Variants in FBXL20 observed in about 807,000 individuals in gnomAD.
FBXL20 encodes F-box/LRR-repeat protein 20.
In FBXL20, 11 loss-of-function variants were observed where a neutral mutation model predicts 64.0. The observed-to-expected ratio is 0.17, with a 90% CI of 0.11 to 0.28. The LOEUF (loss-of-function observed/expected upper bound fraction) is 0.28, where lower values mean the gene tolerates loss of function less well. Among genes scored for constraint, FBXL20 ranks in the 10% least tolerant of loss-of-function variants. FBXL20 has a pLI of 1.00. For missense variants in FBXL20, 303 were observed against 526.2 expected, an observed-to-expected ratio of 0.58 and a Z score of 4.15; for synonymous variants, 184 against 189.0, an observed-to-expected ratio of 0.97 and a Z score of 0.22.
At position 39,384,192 on chromosome 17, in the gene FBXL20, C is replaced by T. The variant is rs538962100; in HGVS notation, c.42+17169G>A. On this transcript the variant is annotated intron_variant, in intron 1 of 14. Transcript: ENST00000264658. The stretch of plus-strand genomic sequence containing the variant: ...AAGGCTGCAGTGAGCTGTGATCATA[C>T]TCTTGCACTCCAGCCTGGGTGGCAG... Among the ~76,000 whole-genome samples, 9 of 152,202 alleles carry T rather than the reference C, an allele frequency of 5.9e-5. No homozygotes were observed. The South Asian group carries it at 1.5e-3, about 25-fold the overall frequency.
At chr17:39,372,986 T>G (rs150454382) in intron 1 of FBXL20, among the ~76,000 whole-genome samples, 27 of 152,184 alleles carry the variant, frequency 1.8e-4, no homozygotes, top group South Asian at 6.2e-4. Flanking sequence ...TTGATTAAAT[T>G]AGACTACTTA....
At chr17:39,345,422 TCATACATGAAG>T (rs1346798938) in intron 1 of FBXL20, among the ~76,000 whole-genome samples, 1 of 151,886 alleles carries the variant, frequency 6.6e-6, no homozygotes, top group Non-Finnish European at 1.5e-5. Context: ...AATAATGGAG[TCATACATGAAG>T]ATCCTGGTAT....
Position 39,258,102 on chromosome 17 carries a change from CTT to C in FBXL20, c.*3356_*3357del, listed in dbSNP as rs998361825. On this transcript the variant is annotated 3_prime_UTR_variant, in exon 15 of 15. Transcript: ENST00000264658. ...TACCTTCTAACTTATCCCCAAATCT[CTT>C]CTCTCTGTTCACTGTTTTTTTCCAT... 6.6e-6 allele frequency: 1 copy of C among 152,136 alleles called. No individual in the cohort carries two copies. Among genetic ancestry groups the C allele is most frequent in the Non-Finnish European group, 1.5e-5 (1 of 68,024 alleles). The allele number at this position is 152,136 out of a possible 1,614,324, so 9.4% of individuals were successfully genotyped here.
At chr17:39,371,114 A>T (rs1362905692) in intron 1 of FBXL20, among the ~76,000 whole-genome samples, 1 of 152,098 alleles carries the variant, frequency 6.6e-6, no homozygotes, top group South Asian at 2.1e-4. Flanking sequence ...GCTACTAAGG[A>T]GGCTGAGGCA....
At chr17:39,374,254 C>T (rs908389677) in intron 1 of FBXL20, among the ~76,000 whole-genome samples, 5 of 151,236 alleles carry the variant, frequency 3.3e-5, no homozygotes, top group Non-Finnish European at 5.9e-5. Context: ...AAAGACCAGT[C>T]GGAATGGCTC....
chr17:39,309,856 A>G (rs542939879), intron 2 of FBXL20, among the ~76,000 whole-genome samples: 16 of 151,822 alleles, frequency 1.1e-4, no homozygotes, highest in Admixed American at 2.0e-4. Flanking sequence ...AGAACAAGAA[A>G]AAACAACTTA....
At chr17:39,315,393 T>TTATATATATA (rs59563317) in intron 2 of FBXL20, among the ~76,000 whole-genome samples, 19,862 of 134,082 alleles carry the variant, frequency 0.15, 1,914 homozygotes, top group African/African-American at 0.22. Context: ...TTTAAATAAT[T>TTATATATATA]TATATATATA....
At chr17:39,323,243 A>C (rs1379558067) in intron 2 of FBXL20, among the ~76,000 whole-genome samples, 6 of 152,142 alleles carry the variant, frequency 3.9e-5, no homozygotes, top group Admixed American at 3.9e-4. Flanking sequence ...TGCTGGGATT[A>C]CAGGTGTGAG....
At chr17:39,281,802 C>G (rs1178921595) in intron 8 of FBXL20, among the ~76,000 whole-genome samples, 1 of 152,138 alleles carries the variant, frequency 6.6e-6, no homozygotes, top group Non-Finnish European at 1.5e-5. Flanking sequence ...AAATAATTTT[C>G]AAACTTCTAC....
chr17:39,306,506 A>G (rs1228496864), intron 2 of FBXL20, among the ~76,000 whole-genome samples: 1 of 152,166 alleles, frequency 6.6e-6, no homozygotes, highest in Non-Finnish European at 1.5e-5. Flanking sequence ...ATTTATTGAA[A>G]AGACTGTACT....
intron 2 of FBXL20, among the ~76,000 whole-genome samples, chr17:39,314,740 T>G (rs2047268572): frequency 6.6e-6 from 1 of 151,898 alleles, no homozygotes; most frequent in Non-Finnish European, 1.5e-5. Context: ...GTGTACACTG[T>G]AGTGTACATT....
intron 1 of FBXL20, among the ~76,000 whole-genome samples, chr17:39,357,651 G>A (rs1037717190): frequency 2.6e-5 from 4 of 152,178 alleles, no homozygotes; most frequent in African/African-American, 4.8e-5. Context: ...GGGCTCAAGC[G>A]AAGCTGCCTC....
intron 9 of FBXL20, among the ~76,000 whole-genome samples, chr17:39,279,288 C>T (rs138311984): frequency 5.0e-4 from 76 of 152,164 alleles, no homozygotes; most frequent in African/African-American, 1.7e-3. Flanking sequence ...TGCTTGAGCC[C>T]AGACATTTGA....
At chr17:39,402,116 T>G (rs9901219), upstream of FBXL20, 261,699 of 1,223,892 alleles carry the variant, frequency 0.21, 35,535 homozygotes, top group African/African-American at 0.65. Flanking sequence ...TTCCCCAGGA[T>G]CCTGTAAGGC....
chr17:39,388,717 C>T (rs796699201), intron 1 of FBXL20, among the ~76,000 whole-genome samples: 15 of 150,968 alleles, frequency 9.9e-5, no homozygotes, highest in Admixed American at 4.6e-4. Flanking sequence ...CTCTTGACCT[C>T]GCGATCCACC....
At chr17:39,349,023 G>A (rs945732008) in intron 1 of FBXL20, among the ~76,000 whole-genome samples, 9 of 151,552 alleles carry the variant, frequency 5.9e-5, no homozygotes, top group Admixed American at 4.6e-4. Flanking sequence ...AGGCTGAGGC[G>A]GGCAGATCAC....
chr17:39,334,719 T>G (rs759201587), intron 2 of FBXL20, among the ~76,000 whole-genome samples: 4 of 152,216 alleles, frequency 2.6e-5, no homozygotes, highest in Non-Finnish European at 4.4e-5. Context: ...ATGTTATAAC[T>G]AAAAGGGCAC....
At chr17:39,345,778 G>A (rs1434762549) in intron 1 of FBXL20, among the ~76,000 whole-genome samples, 3 of 151,968 alleles carry the variant, frequency 2.0e-5, no homozygotes, top group African/African-American at 7.3e-5. Flanking sequence ...TGAGCTCAAC[G>A]GATCCTCCCA....
In FBXL20 at chr17:39,290,696, T is replaced by C. The variant is rs532219964; in HGVS notation, c.399-5123A>G. ...CCTCCCACCTCAGCCTCCGAGTAGA[T>C]AGGAACACAGGTGTGCGCCACCATG... On this transcript the variant is annotated intron_variant, in intron 6 of 14. Coordinates refer to ENST00000264658, the MANE Select transcript of FBXL20 (RefSeq NM_032875.3). 6.6e-5 allele frequency among the ~76,000 whole-genome samples: 10 copies of C among 151,966 alleles called. No homozygotes were observed. In the East Asian group the frequency reaches 7.8e-4, roughly 12 times the overall value.
Sources: gnomAD v4.1 joint callset for allele counts (sites outside exome capture counted in the v4.1 genomes callset) on GRCh38, gnomAD v4.1.1 for gene constraint, MANE v1.5 for transcripts, NCBI Gene and HGNC (gene_info 2026-07-23, HGNC 2026-07-21) for gene names.